ARHGAP12: variants seen among roughly 807,000 people sequenced by gnomAD.
ARHGAP12 encodes the protein Rho GTPase activating protein 12, also known as rho GTPase-activating protein 12.
ARHGAP12 carries 64 observed loss-of-function variants against 108.6 expected under a neutral mutation model. That is an observed-to-expected ratio of 0.59 (90% CI 0.48 to 0.73). The LOEUF (loss-of-function observed/expected upper bound fraction) is 0.73. Ranked by LOEUF, ARHGAP12 falls within the 30% of genes least tolerant of loss-of-function variation. The pLI, the probability that ARHGAP12 is intolerant of heterozygous loss-of-function variation, is 0.00. For missense variants in ARHGAP12, 940 were observed against 1,005.9 expected (o/e 0.93, Z 0.89); for synonymous variants, 312 against 337.2 (o/e 0.93, Z 0.82).
At chr10:31,858,133 T>C (rs1836955756) in intron 4 of ARHGAP12, among the ~76,000 whole-genome samples, 1 of 151,520 alleles carries the variant, frequency 6.6e-6, no homozygotes, top group Non-Finnish European at 1.5e-5. Flanking sequence ...AGTGCAGGAG[T>C]TTGAGACTGC....
intron 1 of ARHGAP12, among the ~76,000 whole-genome samples, chr10:31,921,115 G>A (rs547528009): frequency 1.4e-4 from 22 of 151,858 alleles, no homozygotes; most frequent in Middle Eastern, 6.8e-3. Context: ...GTGAGACCCC[G>A]TCTCTACAAA....
chr10:31,894,669 C>G (rs1307041141), intron 3 of ARHGAP12, among the ~76,000 whole-genome samples: 1 of 152,206 alleles, frequency 6.6e-6, no homozygotes, highest in African/African-American at 2.4e-5. Context: ...AATGGCCATA[C>G]TGCCCAAGGT....
chr10:31,854,048 G>A lies in ARHGAP12; in HGVS notation c.1089+18C>T, dbSNP rs1836794539. ...AGAATTCTGCCAAAAAACACTAGAT[G>A]AGAAAAAAAGAATGTACCTTTTCAT... On this transcript the variant is annotated intron_variant, in intron 5 of 19. Transcript: ENST00000344936. 1 of 1,592,268 alleles carries A rather than the reference G, an allele frequency of 6.3e-7. No individual in the cohort carries two copies. Among genetic ancestry groups the A allele is most frequent in the South Asian group, 1.2e-5 (1 of 86,208 alleles).
chr10:31,880,902 A>T (rs974033165), intron 3 of ARHGAP12, among the ~76,000 whole-genome samples: 2 of 151,802 alleles, frequency 1.3e-5, no homozygotes, highest in Non-Finnish European at 2.9e-5. Flanking sequence ...TCTACCAAAA[A>T]AAAAAAAAAA....
intron 11 of ARHGAP12, among the ~76,000 whole-genome samples, chr10:31,823,261 G>A (rs976169123): frequency 5.3e-5 from 8 of 151,944 alleles, no homozygotes; most frequent in African/African-American, 1.9e-4. Flanking sequence ...TTTCTGAAGT[G>A]AGAAAAAAAC....
chr10:31,826,904 T>G (rs546898530), intron 10 of ARHGAP12: 1 of 152,360 alleles, frequency 6.6e-6, no homozygotes, highest in African/African-American at 2.4e-5. Context: ...TGTACACTGA[T>G]AGACCACACG....
intron 3 of ARHGAP12, among the ~76,000 whole-genome samples, chr10:31,885,370 T>C (rs962639252): frequency 6.6e-6 from 1 of 152,214 alleles, no homozygotes; most frequent in African/African-American, 2.4e-5. Flanking sequence ...TATCCAGTGC[T>C]TGACACACTG....
intron 3 of ARHGAP12, among the ~76,000 whole-genome samples, chr10:31,865,258 T>C (rs1052813843): frequency 1.3e-5 from 2 of 152,170 alleles, no homozygotes; most frequent in African/African-American, 4.8e-5. Context: ...AACTAGGAGG[T>C]TGGTACAGTA....
At chr10:31,841,650 T>C (rs926240365) in intron 7 of ARHGAP12, among the ~76,000 whole-genome samples, 2 of 152,192 alleles carry the variant, frequency 1.3e-5, no homozygotes, top group Admixed American at 1.3e-4. Flanking sequence ...ACATTTAAGG[T>C]AGGCTAGGCT....
At chr10:31,851,759 T>A (rs899227671) in intron 6 of ARHGAP12, among the ~76,000 whole-genome samples, 19 of 152,236 alleles carry the variant, frequency 1.2e-4, no homozygotes, top group African/African-American at 4.3e-4. Context: ...TATCCATGTT[T>A]CATTTATACT....
chr10:31,814,387 C>G (rs759290646), intron 13 of ARHGAP12, 26 bp from the exon 14 acceptor site: 1 of 1,506,698 alleles, frequency 6.6e-7, no homozygotes, highest in Non-Finnish European at 9.2e-7. Context: ...TTCCCAAACA[C>G]ATATTACACT....
At chr10:31,915,721 T>C (rs1211999324) in intron 1 of ARHGAP12, among the ~76,000 whole-genome samples, 1 of 152,158 alleles carries the variant, frequency 6.6e-6, no homozygotes, top group Non-Finnish European at 1.5e-5. Flanking sequence ...GTGTTATCAA[T>C]TTTTTAAAAA....
At chr10:31,848,476 C>T (rs1464391694) in intron 6 of ARHGAP12, among the ~76,000 whole-genome samples, 2 of 151,952 alleles carry the variant, frequency 1.3e-5, no homozygotes, top group Non-Finnish European at 2.9e-5. Flanking sequence ...CACACCATTC[C>T]TCCATTCTCT....
intron 9 of ARHGAP12, among the ~76,000 whole-genome samples, chr10:31,837,145 C>A (rs1415132072): frequency 6.6e-6 from 1 of 152,146 alleles, no homozygotes; most frequent in African/African-American, 2.4e-5. Flanking sequence ...CTTAGGAATT[C>A]TCTTTTAACA....
At chr10:31,894,423 C>T (rs1179222400) in intron 3 of ARHGAP12, among the ~76,000 whole-genome samples, 1 of 152,002 alleles carries the variant, frequency 6.6e-6, no homozygotes, top group African/African-American at 2.4e-5. Context: ...AATCAATGTG[C>T]AAAAATCACA....
intron 19 of ARHGAP12, 123 bp from the exon 20 acceptor site, chr10:31,807,955 G>A (rs758726937): frequency 1.5e-6 from 1 of 658,862 alleles, no homozygotes; most frequent in Non-Finnish European, 2.3e-6. Context: ...TTCCTAAGGT[G>A]ATGCATAAAC....
Position 31,861,529 on chromosome 10 carries a change from C to T in ARHGAP12, c.814G>A (p.Glu272Lys). Residue 272 changes from glutamate to lysine, a missense_variant, in exon 4 of 20, where the codon GAA becomes AAA. By Grantham distance (56) the Glu-to-Lys change is moderately conservative (BLOSUM62 1). Coordinates refer to ENST00000344936, the MANE Select transcript of ARHGAP12 (RefSeq NM_018287.7). Reference protein sequence around the residue: ...SPAIQINGEWETHKDSSGRCY... With the variant: ...SPAIQINGEWKTHKDSSGRCY... Reference sequence around the variant, plus strand: ...CGCCCTGAGCTGTCTTTATGAGTTTCCCATTCTCCATTAATCTGAATTGCC... The same window carrying T: ...CGCCCTGAGCTGTCTTTATGAGTTTTCCATTCTCCATTAATCTGAATTGCC... The T allele has an allele frequency of 1.9e-6, 3 of 1,614,114 alleles. No homozygotes were observed. Among genetic ancestry groups the T allele is most frequent in the Non-Finnish European group, 2.5e-6 (3 of 1,180,028 alleles).
rs184968254 is a variant in ARHGAP12 at position 31,921,717 on chromosome 10, T to C, written c.-111+6966A>G. Among the ~76,000 whole-genome samples the C allele has an allele frequency of 1.1e-3, 150 of 136,948 alleles. 1 individual carries two copies. The highest frequency in any genetic ancestry group is 3.4e-3 in the African/African-American group (120 of 34,922). The allele number at this position is 136,948 out of a possible 152,430, so 89.8% of individuals were successfully genotyped here. The stretch of plus-strand genomic sequence containing the variant: ...GGACAGAGGTTGCAGTGAGCCGAGA[T>C]TGTGCCACTGCATTCCAGCCTGGGT... On this transcript the variant is annotated intron_variant, in intron 1 of 19. Coordinates refer to ENST00000344936, the MANE Select transcript of ARHGAP12 (RefSeq NM_018287.7).
intron 4 of ARHGAP12, among the ~76,000 whole-genome samples, chr10:31,857,184 G>A (rs1426256335): frequency 9.2e-5 from 14 of 152,102 alleles, no homozygotes; most frequent in Admixed American, 7.2e-4. Flanking sequence ...TAAAGCAAAC[G>A]TGGCAAAATT....
Sources: gnomAD v4.1 joint callset for allele counts (sites outside exome capture counted in the v4.1 genomes callset) on GRCh38, gnomAD v4.1.1 for gene constraint, MANE v1.5 for transcripts, NCBI Gene and HGNC (gene_info 2026-07-23, HGNC 2026-07-21) for gene names.